SDK1: variants seen among roughly 807,000 people sequenced by gnomAD.
The protein encoded by SDK1 is protein sidekick-1.
In SDK1, 157 loss-of-function variants were observed where a neutral mutation model predicts 245.5. The ratio of observed to expected loss-of-function variants is 0.64; its 90% CI spans 0.56 to 0.73. The LOEUF (loss-of-function observed/expected upper bound fraction) is 0.73, where lower values mean the gene tolerates loss of function less well. SDK1 is among the 30% of genes least tolerant of loss of function. The pLI is 0.00. For synonymous variants in SDK1, 1,647 were observed against 1,278.5 expected (o/e 1.29, Z -6.15); for missense variants, 3,583 against 3,002.3 (o/e 1.19, Z -4.52).
chr7:3,417,729 T>C (rs1583827184), intron 1 of SDK1, among the ~76,000 whole-genome samples: 1 of 152,184 alleles, frequency 6.6e-6, no homozygotes, highest in African/African-American at 2.4e-5. Flanking sequence ...AGTGCAGAGC[T>C]GGGCACTCAT....
intron 4 of SDK1, among the ~76,000 whole-genome samples, chr7:3,652,214 C>T (rs1342874060): frequency 6.6e-6 from 1 of 152,210 alleles, no homozygotes; most frequent in East Asian, 1.9e-4. Flanking sequence ...TCTGAGGACA[C>T]GAAGTCAAGA....
At chr7:4,182,832 C>A (rs1447434237) in intron 35 of SDK1, among the ~76,000 whole-genome samples, 4 of 152,200 alleles carry the variant, frequency 2.6e-5, no homozygotes, top group African/African-American at 9.7e-5. Flanking sequence ...AGATGGGGAG[C>A]AGTGCCAGGA....
intron 1 of SDK1, among the ~76,000 whole-genome samples, chr7:3,403,858 T>C (rs1221442874): frequency 1.7e-5 from 2 of 116,418 alleles, no homozygotes; most frequent in Non-Finnish European, 3.5e-5. Flanking sequence ...TATATATATA[T>C]ATATATATAT....
chr7:3,483,139 A>C (rs951807082), intron 1 of SDK1, among the ~76,000 whole-genome samples: 1 of 152,184 alleles, frequency 6.6e-6, no homozygotes, highest in African/African-American at 2.4e-5. Flanking sequence ...CTGAAAAATC[A>C]TGTTTGAATT....
intron 5 of SDK1, among the ~76,000 whole-genome samples, chr7:3,842,447 G>A (rs75742143): frequency 0.015 from 2,213 of 147,044 alleles, 67 homozygotes; most frequent in African/African-American, 0.057. Flanking sequence ...CTGTGCTGGC[G>A]TGGGTACTGG....
chr7:3,649,008 C>A (rs1181299282), intron 4 of SDK1, among the ~76,000 whole-genome samples: 1 of 152,212 alleles, frequency 6.6e-6, no homozygotes, highest in Non-Finnish European at 1.5e-5. Context: ...TCTCTTTCTT[C>A]CTTCATGCAT....
At chr7:3,457,681 C>A (rs920404907) in intron 1 of SDK1, among the ~76,000 whole-genome samples, 25 of 152,170 alleles carry the variant, frequency 1.6e-4, no homozygotes, top group African/African-American at 5.8e-4. Flanking sequence ...TTTTCCTTTT[C>A]TTCCTGGAGA....
At chr7:3,757,756 T>C (rs1779976411) in intron 4 of SDK1, among the ~76,000 whole-genome samples, 1 of 152,152 alleles carries the variant, frequency 6.6e-6, no homozygotes, top group Admixed American at 6.5e-5. Context: ...AGGTTCATTA[T>C]AGAAGCATGA....
At chr7:4,090,265 T>C (rs548385804) in intron 22 of SDK1, among the ~76,000 whole-genome samples, 7 of 152,370 alleles carry the variant, frequency 4.6e-5, no homozygotes, top group Admixed American at 3.3e-4. Context: ...ACCTCATTTC[T>C]CTTTCCAGTC....
At chr7:3,945,006 C>T (rs540664163) in intron 5 of SDK1, among the ~76,000 whole-genome samples, 3 of 152,178 alleles carry the variant, frequency 2.0e-5, no homozygotes, top group Non-Finnish European at 2.9e-5. Context: ...CCCAGCTACT[C>T]AGGAGGCTGA....
chr7:3,871,515 T>A (rs148028932), intron 5 of SDK1, among the ~76,000 whole-genome samples: 7,836 of 152,296 alleles, frequency 0.051, 643 homozygotes, highest in African/African-American at 0.17. Flanking sequence ...AAAAGAGGTT[T>A]ATTTGGCTCA....
At chr7:4,193,007 A>G (rs1213983234) in intron 35 of SDK1, among the ~76,000 whole-genome samples, 2 of 144,316 alleles carry the variant, frequency 1.4e-5, no homozygotes, top group East Asian at 3.9e-4. Flanking sequence ...ATAAATATAT[A>G]ATATATAAAA....
intron 5 of SDK1, among the ~76,000 whole-genome samples, chr7:3,925,035 T>G (rs1779719614): frequency 1.3e-5 from 2 of 152,202 alleles, no homozygotes; most frequent in Non-Finnish European, 2.9e-5. Flanking sequence ...ACAACTGATT[T>G]GTCAGCTCAT....
intron 21 of SDK1, among the ~76,000 whole-genome samples, chr7:4,079,050 C>T (rs1194928030): frequency 2.6e-5 from 4 of 152,218 alleles, no homozygotes; most frequent in Admixed American, 2.6e-4. Flanking sequence ...CCCTCCGAGG[C>T]CGCGGTAATT....
At chr7:3,316,746 A>G (rs767922200) in intron 1 of SDK1, among the ~76,000 whole-genome samples, 20 of 152,128 alleles carry the variant, frequency 1.3e-4, no homozygotes, top group Non-Finnish European at 2.8e-4. Context: ...GCAGCGTGGA[A>G]CTGGTTCTTG....
intron 4 of SDK1, among the ~76,000 whole-genome samples, chr7:3,656,592 C>G (rs1348330620): frequency 6.6e-6 from 1 of 152,136 alleles, no homozygotes; most frequent in Non-Finnish European, 1.5e-5. Context: ...AGAGCTGCTT[C>G]TGGTGACACT....
chr7:3,446,121 T>G (rs1780334488), intron 1 of SDK1, among the ~76,000 whole-genome samples: 1 of 152,152 alleles, frequency 6.6e-6, no homozygotes, highest in Non-Finnish European at 1.5e-5. Flanking sequence ...TTCTGTCATT[T>G]GAGTTGGTTT....
chr7:3,842,957 A>G (rs1301811446), intron 5 of SDK1, among the ~76,000 whole-genome samples: 1 of 152,078 alleles, frequency 6.6e-6, no homozygotes, highest in African/African-American at 2.4e-5. Context: ...CAAGGAGAAG[A>G]CGGTGGCTCA....
chr7:3,338,299 G>A (rs1780255680), intron 1 of SDK1: 4 of 479,706 alleles, frequency 8.3e-6, no homozygotes, highest in African/African-American at 2.0e-5. Context: ...TGTTACCATG[G>A]CAAAACTGCA....
Sources: allele counts gnomAD v4.1 joint callset (sites outside exome capture counted in the v4.1 genomes callset), GRCh38; gene constraint gnomAD v4.1.1; transcripts MANE v1.5; gene names NCBI Gene and HGNC (gene_info 2026-07-23, HGNC 2026-07-21).